ACYP2: variants seen among roughly 807,000 people sequenced by gnomAD.
ACYP2 encodes the protein acylphosphatase 2.
In ACYP2, 12 loss-of-function variants were observed where a neutral mutation model predicts 11.2. The ratio of observed to expected loss-of-function variants is 1.08; its 90% CI spans 0.69 to 1.74. The LOEUF is 1.74. ACYP2 is among the 40% of genes most tolerant of loss of function. The probability of loss-of-function intolerance (pLI) is 0.00; values close to 1 mark genes in which losing one functional copy is unlikely to be tolerated. For missense variants in ACYP2, 134 were observed against 101.9 expected, an observed-to-expected ratio of 1.31 and a Z score of -1.35; for synonymous variants, 43 against 32.2, an observed-to-expected ratio of 1.33 and a Z score of -1.13.
At chr2:54,195,472 C>T (rs1350691200) in intron 6 of ACYP2, among the ~76,000 whole-genome samples, 5 of 152,148 alleles carry the variant, frequency 3.3e-5, no homozygotes, top group Non-Finnish European at 4.4e-5. Context: ...TTTTCTCTTA[C>T]GTAAGAGAAG....
chr2:54,089,821 T>G (rs909671624), intron 4 of ACYP2, among the ~76,000 whole-genome samples: 2 of 152,020 alleles, frequency 1.3e-5, no homozygotes, highest in African/African-American at 4.8e-5. Context: ...TCAGCATTTT[T>G]CCCACTGAAT....
chr2:54,075,051 C>T (rs931799475), intron 4 of ACYP2, among the ~76,000 whole-genome samples: 2 of 152,176 alleles, frequency 1.3e-5, no homozygotes, highest in Non-Finnish European at 2.9e-5. Flanking sequence ...CTCATTGGTC[C>T]TGGTGACTGG....
At chr2:54,263,964 G>A (rs370322951) in intron 6 of ACYP2, among the ~76,000 whole-genome samples, 3 of 152,176 alleles carry the variant, frequency 2.0e-5, no homozygotes, top group Non-Finnish European at 2.9e-5. Flanking sequence ...CCTTTTGTGT[G>A]TCAGGGAGGT....
At chr2:53,998,648 G>A (rs1028119678) in intron 2 of ACYP2, among the ~76,000 whole-genome samples, 7 of 151,846 alleles carry the variant, frequency 4.6e-5, no homozygotes, top group African/African-American at 1.7e-4. Context: ...GACCCCCAGT[G>A]CTACTAAAAA....
In ACYP2 at chr2:53,973,736, G is replaced by A. The variant is rs1295074381; in HGVS notation, c.-13G>A. ...AGACTCAGCCTGCCTGCACCCAGGT[G>A]AAATAAACAGCCATGTTGCTCACAC... On this transcript the variant is annotated 5_prime_UTR_variant, in exon 2 of 7. Transcript: ENST00000607452. 9.3e-6 allele frequency: 3 copies of A among 323,166 alleles called. No homozygotes were observed. The highest frequency in any genetic ancestry group is 9.3e-5 in the East Asian group (2 of 21,458). The allele number at this position is 323,166 out of a possible 1,614,324, so 20.0% of individuals were successfully genotyped here.
intron 6 of ACYP2, among the ~76,000 whole-genome samples, chr2:54,139,206 C>G (rs113385181): frequency 6.4e-4 from 97 of 152,278 alleles, no homozygotes; most frequent in African/African-American, 2.1e-3. Flanking sequence ...GTCCAGGGCC[C>G]AAGTAATTCT....
In ACYP2 at chr2:54,304,921, C is replaced by T. The variant is rs895907576; in HGVS notation, c.*119C>T. ...GGAACTTTCTGTTCTGAAAGCTAAGCGACTGTACGTGCTACTAAAAATGTC... is the reference window on the plus strand; with the variant it reads ...GGAACTTTCTGTTCTGAAAGCTAAGTGACTGTACGTGCTACTAAAAATGTC... On this transcript the variant is annotated 3_prime_UTR_variant, in exon 7 of 7. Coordinates refer to ENST00000607452, the MANE Select transcript of ACYP2 (RefSeq NM_001320586.2). 4.5e-5 allele frequency: 22 copies of T among 492,884 alleles called. No homozygotes were observed. The highest frequency in any genetic ancestry group is 3.3e-4 in the Admixed American group (9 of 27,234). 30.5% of individuals were successfully genotyped at this position (492,884 alleles called of 1,614,324 possible).
At chr2:54,123,936 G>C (rs965000289) in intron 4 of ACYP2, among the ~76,000 whole-genome samples, 18 of 152,262 alleles carry the variant, frequency 1.2e-4, no homozygotes, top group Admixed American at 2.6e-4. Context: ...GCACATTGCT[G>C]CCCCAAGTAA....
In ACYP2 at chr2:54,026,680, T is replaced by C. The variant is rs991626388; in HGVS notation, c.63-24278T>C. On this transcript the variant is annotated intron_variant, in intron 2 of 6. Coordinates refer to ENST00000607452, the MANE Select transcript of ACYP2 (RefSeq NM_001320586.2). ...GCCCAAATGCCCATCAATCAATGAC[T>C]GAATAAAAAGAGTCATGTATCTATA... is the stretch of plus-strand genomic sequence containing the variant. Among the ~76,000 whole-genome samples, 35 of 152,240 alleles carry C rather than the reference T, an allele frequency of 2.3e-4. No individual in the cohort carries two copies. The East Asian group carries it at 6.5e-3, about 28-fold the overall frequency.
chr2:54,027,820 T>C (rs1278152840), intron 2 of ACYP2, among the ~76,000 whole-genome samples: 1 of 145,646 alleles, frequency 6.9e-6, no homozygotes, highest in Admixed American at 6.9e-5. Context: ...TTAGTCATCA[T>C]GTTTCTTTCT....
rs73934420 is a variant in ACYP2 at position 54,258,721 on chromosome 2, T to A, written c.405-45967T>A. 8.1e-3 allele frequency among the ~76,000 whole-genome samples: 1,230 copies of A among 152,230 alleles called. 15 individuals are homozygous for A. The highest frequency in any genetic ancestry group is 0.027 in the African/African-American group (1,109 of 41,526). Reference sequence around the variant, plus strand: ...CAGCAATGGAGGTGGATGGTGGACATAGTATGATGGTAGAGTCAGCCTGAT... The same window carrying A: ...CAGCAATGGAGGTGGATGGTGGACAAAGTATGATGGTAGAGTCAGCCTGAT... On this transcript the variant is annotated intron_variant, in intron 6 of 6. Transcript: ENST00000607452.
intron 2 of ACYP2, among the ~76,000 whole-genome samples, chr2:53,975,544 C>T (rs965630170): frequency 2.6e-5 from 4 of 152,078 alleles, no homozygotes; most frequent in South Asian, 2.1e-4. Flanking sequence ...GCACGTTATC[C>T]TTTTGAGGCT....
At chr2:54,230,880 G>T (rs546918882) in intron 6 of ACYP2, among the ~76,000 whole-genome samples, 2 of 147,214 alleles carry the variant, frequency 1.4e-5, no homozygotes, top group East Asian at 3.9e-4. Flanking sequence ...CCCCAGGCTG[G>T]AGTGCAATGG....
At chr2:54,122,621 C>A (rs971657493) in intron 4 of ACYP2, among the ~76,000 whole-genome samples, 4 of 152,230 alleles carry the variant, frequency 2.6e-5, no homozygotes, top group African/African-American at 9.6e-5. Flanking sequence ...AATGTCTCCA[C>A]ATCTACCTTT....
chr2:54,024,394 TC>T (rs1367340251), intron 2 of ACYP2, among the ~76,000 whole-genome samples: 5 of 152,082 alleles, frequency 3.3e-5, no homozygotes, highest in Non-Finnish European at 7.4e-5. Context: ...TCCACCATGA[TC>T]AAGTGGGTTT....
At chr2:54,140,008 T>A (rs1489926064) in intron 6 of ACYP2, among the ~76,000 whole-genome samples, 1 of 152,242 alleles carries the variant, frequency 6.6e-6, no homozygotes. Context: ...AACTCCTTAT[T>A]TTTCTAATTT....
chr2:54,039,390 C>G lies in ACYP2; in HGVS notation c.63-11568C>G, dbSNP rs185906176. On this transcript the variant is annotated intron_variant, in intron 2 of 6. Transcript: ENST00000607452. ...TCAAGCAACCTCTGCCTCCCAGGCT[C>G]AAGCGATCCTCCCGCCTCAGCCTCC... Among the ~76,000 whole-genome samples, 743 of 151,694 alleles carry G rather than the reference C, an allele frequency of 4.9e-3. 2 individuals are homozygous for G. Among genetic ancestry groups the G allele is most frequent in the Admixed American group, 9.7e-3 (148 of 15,244 alleles).
chr2:54,255,539 G>A (rs2104022654), intron 6 of ACYP2: 1 of 1,613,662 alleles, frequency 6.2e-7, no homozygotes, highest in East Asian at 2.2e-5. Context: ...ATGGACTCCA[G>A]GGGGTTCAGG....
intron 2 of ACYP2, among the ~76,000 whole-genome samples, chr2:54,033,552 G>A (rs1674708734): frequency 6.6e-6 from 1 of 152,126 alleles, no homozygotes; most frequent in Admixed American, 6.5e-5. Context: ...TTAGGAGAGT[G>A]GGGGAATGAT....
Sources: allele counts gnomAD v4.1 joint callset (sites outside exome capture counted in the v4.1 genomes callset), GRCh38; gene constraint gnomAD v4.1.1; transcripts MANE v1.5; gene names NCBI Gene and HGNC (gene_info 2026-07-23, HGNC 2026-07-21).